OSBPL6: variants seen among roughly 807,000 people sequenced by gnomAD.
The protein encoded by OSBPL6 is oxysterol-binding protein-related protein 6.
OSBPL6 carries 49 observed loss-of-function variants against 125.8 expected under a neutral mutation model. The observed-to-expected ratio is 0.39, with a 90% CI of 0.31 to 0.49. OSBPL6 has a LOEUF of 0.49. OSBPL6 is among the 20% of genes least tolerant of loss of function. The probability of loss-of-function intolerance (pLI) is 0.88; values close to 1 mark genes in which losing one functional copy is unlikely to be tolerated. For synonymous variants in OSBPL6, 394 were observed against 391.8 expected (o/e 1.01, Z -0.07); for missense variants, 986 against 1,135.4 (o/e 0.87, Z 1.89).
intron 1 of OSBPL6, among the ~76,000 whole-genome samples, chr2:178,220,645 G>A (rs1035830542): frequency 1.3e-5 from 2 of 152,078 alleles, no homozygotes; most frequent in African/African-American, 4.8e-5. Flanking sequence ...TGAAATCTTT[G>A]TTTATAAAAT....
At chr2:178,213,101 C>G (rs2089937884) in intron 1 of OSBPL6, among the ~76,000 whole-genome samples, 1 of 152,150 alleles carries the variant, frequency 6.6e-6, no homozygotes, top group African/African-American at 2.4e-5. Context: ...GCCAACACGC[C>G]CGGCCGAGCA....
At chr2:178,356,791 A>C (rs1436490369) in intron 12 of OSBPL6, among the ~76,000 whole-genome samples, 1 of 152,238 alleles carries the variant, frequency 6.6e-6, no homozygotes, top group East Asian at 1.9e-4. Flanking sequence ...GACAATCTTA[A>C]GCAAAAAGAA....
At chr2:178,390,024 C>G (rs1695266846) in intron 21 of OSBPL6, among the ~76,000 whole-genome samples, 1 of 152,108 alleles carries the variant, frequency 6.6e-6, no homozygotes, top group Non-Finnish European at 1.5e-5. Flanking sequence ...ACTGAAGAGC[C>G]AAGATCACTA....
At chr2:178,229,582 C>T (rs2090727168) in intron 1 of OSBPL6, among the ~76,000 whole-genome samples, 1 of 152,252 alleles carries the variant, frequency 6.6e-6, no homozygotes, top group Non-Finnish European at 1.5e-5. Flanking sequence ...GTAATCCCAG[C>T]ACTTTGGGAG....
intron 1 of OSBPL6, among the ~76,000 whole-genome samples, chr2:178,220,195 C>T (rs1347769642): frequency 6.6e-6 from 1 of 152,136 alleles, no homozygotes; most frequent in Admixed American, 6.5e-5. Flanking sequence ...ACATCGAGTT[C>T]CATTTTGCTG....
At chr2:178,383,976 G>A in intron 17 of OSBPL6, 63 bp from the exon 18 acceptor site, 2 of 1,562,320 alleles carry the variant, frequency 1.3e-6, no homozygotes, top group East Asian at 2.3e-5. Context: ...AGAGGGATGA[G>A]GAACAAACAG....
chr2:178,383,955 G>A lies in OSBPL6; in HGVS notation c.1876-84G>A. ...AAATCAACACCCATCCACATGAGGT[G>A]TGTAAAATCTAGAGGGATGAGGAAC... On this transcript the variant is annotated intron_variant, in intron 17 of 24. Coordinates refer to ENST00000190611, the MANE Select transcript of OSBPL6 (RefSeq NM_032523.4). 7 of 1,461,856 alleles carry A rather than the reference G, an allele frequency of 4.8e-6. No homozygotes were observed. The African/African-American group carries it at 7.0e-5, about 15-fold the overall frequency. 90.6% of individuals were successfully genotyped at this position (1,461,856 alleles called of 1,614,324 possible).
intron 1 of OSBPL6, among the ~76,000 whole-genome samples, chr2:178,233,095 C>T (rs1284596068): frequency 6.6e-6 from 1 of 152,172 alleles, no homozygotes. Context: ...ACTTTACATT[C>T]TTATTTTCTA....
chr2:178,387,914 G>C (rs1236344957), intron 20 of OSBPL6, among the ~76,000 whole-genome samples: 2 of 152,020 alleles, frequency 1.3e-5, no homozygotes, highest in Non-Finnish European at 2.9e-5. Context: ...TGAGGCAGGA[G>C]AATTGTTTGA....
At chr2:178,395,369 A>G in intron 24 of OSBPL6, 82 bp from the exon 25 acceptor site, 2 of 917,424 alleles carry the variant, frequency 2.2e-6, no homozygotes, top group Non-Finnish European at 1.7e-6. Context: ...TTATATGTCC[A>G]TGTCTAATCT....
intron 1 of OSBPL6, among the ~76,000 whole-genome samples, chr2:178,239,073 C>T: frequency 6.6e-6 from 1 of 152,136 alleles, no homozygotes; most frequent in East Asian, 1.9e-4. Context: ...TCTCACCTTC[C>T]CTTCTTTCAC....
At chr2:178,388,010 G>GAA (rs201366429) in intron 20 of OSBPL6, among the ~76,000 whole-genome samples, 4,949 of 141,874 alleles carry the variant, frequency 0.035, 124 homozygotes, top group East Asian at 0.14. Context: ...TCTCAAAAAA[G>GAA]AAAAAAAAAA....
At chr2:178,212,155 T>A (rs1420564699) in intron 1 of OSBPL6, among the ~76,000 whole-genome samples, 2 of 152,186 alleles carry the variant, frequency 1.3e-5, no homozygotes, top group African/African-American at 4.8e-5. Flanking sequence ...GCCTTACAAA[T>A]TGCCCTCTGA....
chr2:178,319,430 C>G (rs1688047390), intron 3 of OSBPL6, among the ~76,000 whole-genome samples: 1 of 152,062 alleles, frequency 6.6e-6, no homozygotes, highest in Non-Finnish European at 1.5e-5. Context: ...TTTGAAATTT[C>G]TGTTATTTTT....
At chr2:178,304,376 C>T (rs1405262500) in intron 2 of OSBPL6, among the ~76,000 whole-genome samples, 1 of 152,136 alleles carries the variant, frequency 6.6e-6, no homozygotes, top group Non-Finnish European at 1.5e-5. Flanking sequence ...CTTCCTTCTT[C>T]ACATGTCAGC....
rs548092594 is a variant in OSBPL6, at chr2:178,217,566, A to G, written c.-351+22892A>G. 2.6e-5 allele frequency among the ~76,000 whole-genome samples: 4 copies of G among 152,360 alleles called. No individual in the cohort carries two copies. The East Asian group carries it at 5.8e-4, about 22-fold the overall frequency. The stretch of plus-strand genomic sequence containing the variant: ...CTCTCTATAGAGAAAGGGGTCTCCC[A>G]GTGGAAAGGACCAGCAGGTGGTGAA... On this transcript the variant is annotated intron_variant, in intron 1 of 24. Coordinates refer to ENST00000190611, the MANE Select transcript of OSBPL6 (RefSeq NM_032523.4).
chr2:178,393,516 A>G (rs1043515130), intron 23 of OSBPL6, among the ~76,000 whole-genome samples: 1 of 152,286 alleles, frequency 6.6e-6, no homozygotes, highest in African/African-American at 2.4e-5. Context: ...ATCTGCCAAA[A>G]TGCTCTCAGT....
At chr2:178,371,167 A>G (rs543387378) in intron 13 of OSBPL6, among the ~76,000 whole-genome samples, 3 of 152,196 alleles carry the variant, frequency 2.0e-5, no homozygotes, top group African/African-American at 7.2e-5. Flanking sequence ...AAGGAAAAGA[A>G]GACTATCTTT....
At chr2:178,237,456 GA>G (rs561922508) in intron 1 of OSBPL6, among the ~76,000 whole-genome samples, 81 of 152,224 alleles carry the variant, frequency 5.3e-4, no homozygotes, top group African/African-American at 1.7e-3. Flanking sequence ...CTCACCCATT[GA>G]AAAGGTCTCC....
Sources: allele counts gnomAD v4.1 joint callset (sites outside exome capture counted in the v4.1 genomes callset), GRCh38; gene constraint gnomAD v4.1.1; transcripts MANE v1.5; gene names NCBI Gene and HGNC (gene_info 2026-07-23, HGNC 2026-07-21).